The following SLC38A11 variants were observed in gnomAD, a reference collection of about 807,000 sequenced individuals.
The protein encoded by SLC38A11 is solute carrier family 38 member 11, also known as putative sodium-coupled neutral amino acid transporter 11.
A neutral mutation model predicts 49.4 loss-of-function variants in SLC38A11; 51 were observed. The ratio of observed to expected loss-of-function variants is 1.03; its 90% CI spans 0.83 to 1.30. The LOEUF (loss-of-function observed/expected upper bound fraction) is 1.30. SLC38A11 is among the 50% of genes most tolerant of loss of function. The pLI is 0.00. For synonymous variants in SLC38A11, 203 were observed against 192.9 expected (o/e 1.05, Z -0.43); for missense variants, 574 against 556.2 (o/e 1.03, Z -0.32).
intron 7 of SLC38A11, among the ~76,000 whole-genome samples, chr2:164,920,301 G>C (rs890853462): frequency 6.7e-6 from 1 of 150,170 alleles, no homozygotes; most frequent in African/African-American, 2.4e-5. Context: ...AAAAAGAAAG[G>C]AAGGAAGAAA....
intron 9 of SLC38A11, chr2:164,912,200 A>G (rs753006030): frequency 6.6e-6 from 1 of 152,284 alleles, no homozygotes; most frequent in African/African-American, 2.4e-5. Context: ...GGTCTAAATA[A>G]AAGTTTTTGA....
chr2:164,896,046 G>C lies in SLC38A11; in HGVS notation c.*2391C>G, dbSNP rs1178479859. 2 of 152,102 alleles carry C rather than the reference G, an allele frequency of 1.3e-5. No homozygotes were observed. Among genetic ancestry groups the C allele is most frequent in the Non-Finnish European group, 2.9e-5 (2 of 68,028 alleles). The allele number at this position is 152,102 out of a possible 1,614,324, so 9.4% of individuals were successfully genotyped here. A position where few individuals can be genotyped will look rare whatever the true frequency, so the allele number is the denominator to read the frequency against. On this transcript the variant is annotated 3_prime_UTR_variant, in exon 12 of 12. Coordinates refer to ENST00000685975, the MANE Select transcript of SLC38A11 (RefSeq NM_001351537.2). The stretch of plus-strand genomic sequence containing the variant: ...TTAAAACCTTCAAGTTGCTTTGTTA[G>C]GGGCAACAAGTGGCAGGGATGGAAA...
intron 3 of SLC38A11, among the ~76,000 whole-genome samples, chr2:164,947,536 C>A (rs1688220719): frequency 6.6e-6 from 1 of 152,092 alleles, no homozygotes; most frequent in Non-Finnish European, 1.5e-5. Context: ...CCAGCTCAGA[C>A]CCCCTTCAAA....
chr2:164,931,345 G>A (rs1024342579), intron 7 of SLC38A11, among the ~76,000 whole-genome samples: 18 of 150,868 alleles, frequency 1.2e-4, no homozygotes, highest in African/African-American at 4.2e-4. Context: ...TGGCCACACT[G>A]CCCAAAGCAA....
intron 3 of SLC38A11, 44 bp downstream of exon 3, chr2:164,952,663 G>T: frequency 2.5e-6 from 3 of 1,222,792 alleles, no homozygotes; most frequent in Non-Finnish European, 3.6e-6. Context: ...TGTAGTTATT[G>T]CACAGTTGAA....
intron 6 of SLC38A11, among the ~76,000 whole-genome samples, chr2:164,938,867 T>C (rs1054354065): frequency 1.3e-4 from 20 of 152,122 alleles, no homozygotes; most frequent in African/African-American, 4.8e-4. Flanking sequence ...TCCTTGAGAG[T>C]AAGTGCAAAT....
chr2:164,937,265 A>G, intron 7 of SLC38A11, 85 bp downstream of exon 7: 2 of 875,524 alleles, frequency 2.3e-6, no homozygotes, highest in Admixed American at 4.1e-5. Flanking sequence ...TACCATGGTT[A>G]CTTTATATTT....
intron 7 of SLC38A11, 120 bp downstream of exon 7, chr2:164,937,230 T>C (rs1687431843): frequency 1.4e-6 from 1 of 696,338 alleles, no homozygotes; most frequent in Admixed American, 2.6e-5. Flanking sequence ...TTTTGTCAAA[T>C]ACCAAAGATA....
intron 11 of SLC38A11, among the ~76,000 whole-genome samples, chr2:164,908,303 C>A (rs1002327897): frequency 6.6e-6 from 1 of 152,032 alleles, no homozygotes; most frequent in Non-Finnish European, 1.5e-5. Flanking sequence ...GTTTCTCAAC[C>A]TCAGCACAAT....
intron 7 of SLC38A11, among the ~76,000 whole-genome samples, chr2:164,926,929 G>A (rs1686642595): frequency 1.3e-5 from 2 of 151,136 alleles, no homozygotes; most frequent in African/African-American, 2.4e-5. Context: ...GAGTTAATGG[G>A]TGCAGCACAC....
intron 7 of SLC38A11, among the ~76,000 whole-genome samples, chr2:164,916,239 G>A (rs1573914868): frequency 1.3e-5 from 2 of 151,998 alleles, no homozygotes; most frequent in African/African-American, 2.4e-5. Flanking sequence ...ATGTAATTTT[G>A]TGAATTTGTT....
At chr2:164,932,306 T>C (rs867862881) in intron 7 of SLC38A11, among the ~76,000 whole-genome samples, 1 of 152,062 alleles carries the variant, frequency 6.6e-6, no homozygotes. Context: ...TTATACACCA[T>C]TGGTGGGAGT....
intron 11 of SLC38A11, among the ~76,000 whole-genome samples, chr2:164,905,795 A>G (rs1466164459): frequency 6.6e-6 from 1 of 152,174 alleles, no homozygotes; most frequent in Non-Finnish European, 1.5e-5. Flanking sequence ...AAAAATCTAA[A>G]GATCTTGAAT....
chr2:164,899,097 T>C (rs1684490177), intron 11 of SLC38A11, among the ~76,000 whole-genome samples: 1 of 152,192 alleles, frequency 6.6e-6, no homozygotes, highest in Non-Finnish European at 1.5e-5. Flanking sequence ...AACTATTGTG[T>C]ATCCACTATG....
intron 11 of SLC38A11, among the ~76,000 whole-genome samples, chr2:164,905,522 G>A (rs1003534172): frequency 6.6e-6 from 1 of 152,136 alleles, no homozygotes; most frequent in Non-Finnish European, 1.5e-5. Context: ...TAACAGACAT[G>A]ATGCTTGATT....
At chr2:164,919,913 G>A (rs1686063394) in intron 7 of SLC38A11, among the ~76,000 whole-genome samples, 1 of 152,154 alleles carries the variant, frequency 6.6e-6, no homozygotes, top group East Asian at 1.9e-4. Context: ...TCTATAGGGT[G>A]TATGTTCCAA....
intron 7 of SLC38A11, among the ~76,000 whole-genome samples, chr2:164,934,767 A>T (rs1004462580): frequency 6.6e-6 from 1 of 152,184 alleles, no homozygotes; most frequent in Non-Finnish European, 1.5e-5. Flanking sequence ...TTACACAATT[A>T]AAATTTTTAG....
chr2:164,931,772 T>C (rs952798324), intron 7 of SLC38A11, among the ~76,000 whole-genome samples: 1 of 151,938 alleles, frequency 6.6e-6, no homozygotes. Flanking sequence ...AAAAATTAAC[T>C]CAAGATGGAT....
intron 5 of SLC38A11, among the ~76,000 whole-genome samples, chr2:164,942,129 A>T (rs1437837822): frequency 6.6e-6 from 1 of 152,150 alleles, no homozygotes; most frequent in Non-Finnish European, 1.5e-5. Flanking sequence ...AATAAAATAT[A>T]TTTTTAAATT....
Sources: allele counts gnomAD v4.1 joint callset (sites outside exome capture counted in the v4.1 genomes callset), GRCh38; gene constraint gnomAD v4.1.1; transcripts MANE v1.5; gene names NCBI Gene and HGNC (gene_info 2026-07-23, HGNC 2026-07-21).